RFX7: variants seen among roughly 807,000 people sequenced by gnomAD.
RFX7 encodes regulatory factor X7.
In RFX7, 26 loss-of-function variants were observed where a neutral mutation model predicts 111.8. The observed-to-expected ratio is 0.23, with a 90% confidence interval of 0.17 to 0.32. The LOEUF is 0.32. Ranked by LOEUF, RFX7 falls within the 10% of genes least tolerant of loss-of-function variation. RFX7 has a pLI of 1.00. For synonymous variants in RFX7, 624 were observed against 624.4 expected, an observed-to-expected ratio of 1.00 and a Z score of 0.01; for missense variants, 1,573 against 1,772.9, an observed-to-expected ratio of 0.89 and a Z score of 2.02.
intron 5 of RFX7, among the ~76,000 whole-genome samples, chr15:56,114,577 A>G (rs1418681230): frequency 2.6e-5 from 4 of 152,180 alleles, no homozygotes; most frequent in African/African-American, 7.2e-5. Flanking sequence ...TTAGACTAGG[A>G]TCATACTAAT....
Position 56,095,106 on chromosome 15 carries a change from G to A in RFX7, c.2622C>T (p.Ser874=), listed in dbSNP as rs768815147. ...FEPSVSQTNE[S]YFPFDDELTQ... ...TAAGTTCATCATCAAAAGGAAAGTAGCTTTCATTTGTCTGGGAAACAGAAG... is the reference window on the plus strand; with the variant it reads ...TAAGTTCATCATCAAAAGGAAAGTAACTTTCATTTGTCTGGGAAACAGAAG... The change falls in exon 10 of 10, where the codon AGC becomes AGT. Residue 874 remains serine (S), a synonymous_variant. Coordinates refer to ENST00000559447, the MANE Select transcript of RFX7 (RefSeq NM_022841.7). The A allele has an allele frequency of 1.2e-6, 2 of 1,613,716 alleles. No individual in the cohort carries two copies. Among genetic ancestry groups the A allele is most frequent in the Non-Finnish European group, 1.7e-6 (2 of 1,179,676 alleles).
At chr15:56,105,212 C>A (rs1360982156) in intron 5 of RFX7, among the ~76,000 whole-genome samples, 1 of 152,180 alleles carries the variant, frequency 6.6e-6, no homozygotes, top group African/African-American at 2.4e-5. Context: ...TTGAAAGGAT[C>A]TCTTCCGACT....
chr15:56,205,175 G>C (rs1265895235), intron 2 of RFX7, among the ~76,000 whole-genome samples: 7 of 152,194 alleles, frequency 4.6e-5, no homozygotes, highest in East Asian at 1.9e-4. Flanking sequence ...CCAAAGGAGA[G>C]AGAACATAAA....
rs2140507810 is a variant in RFX7, at chr15:56,092,701, CTTGT to C, written c.*640_*643del. On this transcript the variant is annotated 3_prime_UTR_variant, in exon 10 of 10. Transcript: ENST00000559447. The stretch of plus-strand genomic sequence containing the variant: ...GCAAGGTCACAAATATAAATGGCTA[CTTGT>C]TTTTTTTCCCTTAAAAATTTTAGTG... 6.6e-6 allele frequency: 1 copy of C among 152,596 alleles called. No homozygotes were observed. Among genetic ancestry groups the C allele is most frequent in the South Asian group, 2.1e-4 (1 of 4,824 alleles). The allele number at this position is 152,596 out of a possible 1,614,324, so 9.5% of individuals were successfully genotyped here. A position where few individuals can be genotyped will look rare whatever the true frequency, so the allele number is the denominator to read the frequency against.
intron 9 of RFX7, among the ~76,000 whole-genome samples, chr15:56,097,746 C>CTCA (rs2041699774): frequency 2.1e-5 from 1 of 47,338 alleles, no homozygotes; most frequent in Non-Finnish European, 3.3e-5. Flanking sequence ...GACTCTGTCT[C>CTCA]AAAAAAAAAA....
chr15:56,110,293 C>T (rs2041903693), intron 5 of RFX7, among the ~76,000 whole-genome samples: 1 of 89,306 alleles, frequency 1.1e-5, no homozygotes, highest in Non-Finnish European at 2.3e-5. Context: ...CCCGCCTGGC[C>T]AGCCGCCCCG....
chr15:56,162,163 C>T (rs1202167426), intron 3 of RFX7, among the ~76,000 whole-genome samples: 1 of 151,928 alleles, frequency 6.6e-6, no homozygotes, highest in African/African-American at 2.4e-5. Flanking sequence ...CTTGACAGTC[C>T]AGCTGCCACA....
intron 5 of RFX7, among the ~76,000 whole-genome samples, chr15:56,125,579 G>C (rs2042132169): frequency 6.7e-6 from 1 of 149,910 alleles, no homozygotes; most frequent in Admixed American, 6.7e-5. Context: ...CCTTGGTTAA[G>C]CGTATTCTGA....
In RFX7 at chr15:56,170,007, T is replaced by A. The variant is rs568202361; in HGVS notation, c.195+9263A>T. ...AACTCCCAAAAATATTTCCAAATATTTTATAAGTGTATGATCTCTAAAAGG... is the reference window on the plus strand; with the variant it reads ...AACTCCCAAAAATATTTCCAAATATATTATAAGTGTATGATCTCTAAAAGG... On this transcript the variant is annotated intron_variant, in intron 3 of 9. Coordinates refer to ENST00000559447, the MANE Select transcript of RFX7 (RefSeq NM_022841.7). Among the ~76,000 whole-genome samples the A allele has an allele frequency of 8.5e-5, 13 of 152,306 alleles. No individual in the cohort carries two copies. The South Asian group carries it at 2.7e-3, about 32-fold the overall frequency.
Position 56,243,767 on chromosome 15 carries a change from C to T in RFX7, c.-325G>A, listed in dbSNP as rs1388050285. Among the ~76,000 whole-genome samples, 2 of 149,930 alleles carry T rather than the reference C, an allele frequency of 1.3e-5. No homozygotes were observed. The highest frequency in any genetic ancestry group is 3.0e-5 in the Non-Finnish European group (2 of 67,178). On this transcript the variant is annotated 5_prime_UTR_variant, in exon 1 of 10. Transcript: ENST00000559447. ...CCCGTGCTGCTGCAGCCCCAGGCAC[C>T]GCTCCACGCCACTCCCCACGCCGCC...
chr15:56,101,259 TA>T, intron 8 of RFX7, 99 bp downstream of exon 8: 1 of 990,142 alleles, frequency 1.0e-6, no homozygotes, highest in Non-Finnish European at 1.5e-6. Context: ...ATGCAAGTAC[TA>T]AAAGGATGAA....
intron 3 of RFX7, among the ~76,000 whole-genome samples, chr15:56,148,035 A>C (rs1457876620): frequency 1.3e-5 from 2 of 152,258 alleles, no homozygotes; most frequent in African/African-American, 2.4e-5. Context: ...TTTCAAATTT[A>C]GGCAGAACCT....
At position 56,095,576 on chromosome 15, in the gene RFX7, C is replaced by G. The variant is rs772806484; in HGVS notation, c.2152G>C (p.Val718Leu). The G allele has an allele frequency of 2.5e-6, 4 of 1,613,928 alleles. No individual in the cohort carries two copies. Among genetic ancestry groups the G allele is most frequent in the Non-Finnish European group, 3.4e-6 (4 of 1,179,846 alleles). ...STAGAQIPSK[V>L]SVNVSSHIGA... ...ATGTGTGAACTGACATTTACTGATA[C>G]CTTGCTAGGAATCTGAGCACCTGCT... Residue 718 changes from valine (V) to leucine (L), a missense_variant, in exon 10 of 10, where the codon GTA (valine) becomes CTA (leucine). By Grantham distance (32) the Val-to-Leu change is conservative. Transcript: ENST00000559447.
intron 2 of RFX7, among the ~76,000 whole-genome samples, chr15:56,180,082 C>T (rs2042952511): frequency 6.6e-6 from 1 of 152,086 alleles, no homozygotes; most frequent in Non-Finnish European, 1.5e-5. Context: ...TGTTCAGGAA[C>T]AGTTTACACA....
At chr15:56,226,522 GATC>G (rs1161976476) in intron 2 of RFX7, among the ~76,000 whole-genome samples, 5 of 152,222 alleles carry the variant, frequency 3.3e-5, no homozygotes, top group African/African-American at 9.6e-5. Flanking sequence ...AACAAACTCT[GATC>G]ATCATTTTCA....
chr15:56,243,087 CT>C, intron 2 of RFX7, 37 bp downstream of exon 2: 1 of 1,342,444 alleles, frequency 7.4e-7, no homozygotes, highest in Non-Finnish European at 9.9e-7. Flanking sequence ...AGAAATGTGC[CT>C]GGGCTTTTTC....
chr15:56,149,430 C>T (rs1180934132), intron 3 of RFX7, among the ~76,000 whole-genome samples: 2 of 152,172 alleles, frequency 1.3e-5, no homozygotes, highest in Admixed American at 1.3e-4. Context: ...CAGACAGGAA[C>T]AGCACCGGTC....
chr15:56,167,982 A>G (rs1009051869), intron 3 of RFX7, among the ~76,000 whole-genome samples: 1 of 152,214 alleles, frequency 6.6e-6, no homozygotes, highest in African/African-American at 2.4e-5. Context: ...TCTATTTGGA[A>G]AAATAAGGAA....
intron 2 of RFX7, among the ~76,000 whole-genome samples, chr15:56,183,738 C>T (rs987549469): frequency 2.6e-5 from 4 of 152,130 alleles, no homozygotes; most frequent in Non-Finnish European, 5.9e-5. Flanking sequence ...TTTCTAATTT[C>T]ACAACAGTCC....
Sources: gnomAD v4.1 joint callset for allele counts (sites outside exome capture counted in the v4.1 genomes callset) on GRCh38, gnomAD v4.1.1 for gene constraint, MANE v1.5 for transcripts, NCBI Gene and HGNC (gene_info 2026-07-23, HGNC 2026-07-21) for gene names.